CDH2: variants seen among roughly 807,000 people sequenced by gnomAD.
CDH2 encodes cadherin-2.
In CDH2, 17 loss-of-function variants were observed where a neutral mutation model predicts 92.0. That is an observed-to-expected ratio of 0.18 (90% CI 0.13 to 0.28). CDH2 has a LOEUF of 0.28. Ranked by LOEUF, CDH2 falls within the 10% of genes least tolerant of loss-of-function variation. CDH2 has a pLI of 1.00. For missense variants in CDH2, 862 were observed against 1,133.1 expected, an observed-to-expected ratio of 0.76 and a Z score of 3.44; for synonymous variants, 419 against 415.9, an observed-to-expected ratio of 1.01 and a Z score of -0.09.
intron 2 of CDH2, among the ~76,000 whole-genome samples, chr18:28,139,384 C>T (rs774176126): frequency 1.3e-5 from 2 of 152,006 alleles, no homozygotes; most frequent in African/African-American, 2.4e-5. Flanking sequence ...GACCCCACTT[C>T]TCTTACCAAC....
In CDH2 at chr18:28,177,071, G is replaced by GCGA; in HGVS notation, c.-50_-49insTCG. On this transcript the variant is annotated 5_prime_UTR_variant, in exon 1 of 16. Transcript: ENST00000269141. ...AGAGCCGGAGGAGGCGGCGGCGGCG[G>GCGA]CGGCGGCGGCGGAGGAGGAGGAGGC... 1 of 1,378,582 alleles carries GCGA rather than the reference G, an allele frequency of 7.3e-7. No homozygotes were observed. Among genetic ancestry groups the GCGA allele is most frequent in the African/African-American group, 1.5e-5 (1 of 66,886 alleles). The allele number at this position is 1,378,582 out of a possible 1,614,324, so 85.4% of individuals were successfully genotyped here.
chr18:28,129,325 TA>T (rs1194384613), intron 2 of CDH2, among the ~76,000 whole-genome samples: 4 of 152,226 alleles, frequency 2.6e-5, no homozygotes, highest in Admixed American at 6.5e-5. Flanking sequence ...ACCACCTGCA[TA>T]TAAAAACCTA....
chr18:28,127,051 C>G (rs1480037716), intron 2 of CDH2, among the ~76,000 whole-genome samples: 3 of 152,154 alleles, frequency 2.0e-5, no homozygotes, highest in Non-Finnish European at 4.4e-5. Context: ...CCTCAAGGCA[C>G]TGTGGACCCA....
chr18:28,096,308 A>G (rs2015133844), intron 2 of CDH2, among the ~76,000 whole-genome samples: 1 of 152,214 alleles, frequency 6.6e-6, no homozygotes, highest in Non-Finnish European at 1.5e-5. Context: ...TTCCAATAGT[A>G]AATAATATTA....
At chr18:28,093,484 C>T (rs1002250698) in intron 2 of CDH2, among the ~76,000 whole-genome samples, 3 of 151,838 alleles carry the variant, frequency 2.0e-5, no homozygotes, top group Non-Finnish European at 2.9e-5. Flanking sequence ...TTACACCATT[C>T]GACTCCCATA....
chr18:28,017,042 T>C (rs375697069), intron 2 of CDH2, among the ~76,000 whole-genome samples: 50 of 152,288 alleles, frequency 3.3e-4, no homozygotes, highest in African/African-American at 1.2e-3. Context: ...TTATTGATGA[T>C]TTTTGCATCT....
rs199876715 is a variant in CDH2, at chr18:27,951,945, T to C, written c.*208A>G. The C allele has an allele frequency of 7.0e-6, 4 of 575,488 alleles. No homozygotes were observed. Among genetic ancestry groups the C allele is most frequent in the Admixed American group, 3.0e-5 (1 of 33,284 alleles). 35.6% of individuals were successfully genotyped at this position (575,488 alleles called of 1,614,324 possible). ...ATCCCAGTGCTTCTGTACTGTAAAA[T>C]TCAAGTGTAACTGAGCTCAGTGTTT... On this transcript the variant is annotated 3_prime_UTR_variant, in exon 16 of 16. Coordinates refer to ENST00000269141, the MANE Select transcript of CDH2 (RefSeq NM_001792.5).
chr18:28,121,934 C>A (rs2015595052), intron 2 of CDH2, among the ~76,000 whole-genome samples: 1 of 152,036 alleles, frequency 6.6e-6, no homozygotes, highest in Non-Finnish European at 1.5e-5. Context: ...AGTTTGGGAA[C>A]TGCAATGATT....
At chr18:28,138,676 C>T in intron 2 of CDH2, among the ~76,000 whole-genome samples, 1 of 152,024 alleles carries the variant, frequency 6.6e-6, no homozygotes, top group East Asian at 1.9e-4. Context: ...TGTCTGTTGA[C>T]CACTATTGCG....
chr18:28,035,830 C>G (rs11564413), intron 2 of CDH2, among the ~76,000 whole-genome samples: 25,469 of 151,888 alleles, frequency 0.17, 2,428 homozygotes, highest in South Asian at 0.3. Flanking sequence ...GCACTGTGAG[C>G]GAGTTGAAAA....
At chr18:27,950,781 A>G (rs1909401996), downstream of CDH2, among the ~76,000 whole-genome samples, 1 of 152,198 alleles carries the variant, frequency 6.6e-6, no homozygotes, top group African/African-American at 2.4e-5. Context: ...TTTTTCTTCT[A>G]TGATGATGGG....
intron 2 of CDH2, among the ~76,000 whole-genome samples, chr18:28,051,439 G>C (rs987118626): frequency 6.6e-6 from 1 of 152,120 alleles, no homozygotes; most frequent in Non-Finnish European, 1.5e-5. Flanking sequence ...TACTAGACTT[G>C]CAACTAAAAA....
At chr18:28,058,131 T>G (rs1362318581) in intron 2 of CDH2, among the ~76,000 whole-genome samples, 1 of 152,244 alleles carries the variant, frequency 6.6e-6, no homozygotes, top group Non-Finnish European at 1.5e-5. Context: ...AACAGTGTTC[T>G]CTGGTTGGAT....
chr18:28,078,195 T>C (rs2014761801), intron 2 of CDH2, among the ~76,000 whole-genome samples: 1 of 152,116 alleles, frequency 6.6e-6, no homozygotes, highest in Admixed American at 6.6e-5. Flanking sequence ...CTTCTCAAGA[T>C]ACATTCTGTG....
rs202200963 is a variant in CDH2, at chr18:27,990,372, A to G, written c.1345-22T>C. The G allele has an allele frequency of 6.6e-5, 105 of 1,596,748 alleles. No homozygotes were observed. The South Asian group carries it at 1.2e-3, about 18-fold the overall frequency. On this transcript the variant is annotated intron_variant, in intron 9 of 15. Transcript: ENST00000269141. ...TTGGCTGGAAAATAAAAGGGAAGCC[A>G]TATTTTTGCAGGAAATAAGAATGCT...
At chr18:27,992,589 T>A in intron 9 of CDH2, 66 bp downstream of exon 9, 1 of 1,304,110 alleles carries the variant, frequency 7.7e-7, no homozygotes, top group Non-Finnish European at 1.1e-6. Context: ...AAACAATGAG[T>A]GGGGGACATA....
chr18:27,992,797 G>C lies in CDH2; in HGVS notation c.1202C>G (p.Ala401Gly). The change falls in exon 9 of 16, where the codon GCT (alanine) becomes GGT (glycine). Residue 401 changes from alanine to glycine, a missense_variant. Ala to Gly is a moderately conservative substitution (Grantham distance 60). Transcript: ENST00000269141. ...VPENRVDIIV[A>G]NLTVTDKDQP... ...ATCCTTATCGGTCACAGTTAGATTA[G>C]CTACTATGATGTCTACCCTGTTCTC... 1 of 1,613,888 alleles carries C rather than the reference G, an allele frequency of 6.2e-7. No individual in the cohort carries two copies. Among genetic ancestry groups the C allele is most frequent in the Non-Finnish European group, 8.5e-7 (1 of 1,179,828 alleles).
chr18:28,034,810 T>A (rs1015803776), intron 2 of CDH2, among the ~76,000 whole-genome samples: 5 of 152,072 alleles, frequency 3.3e-5, no homozygotes, highest in African/African-American at 1.2e-4. Flanking sequence ...GGTGTTACAA[T>A]GAGTATAAAT....
chr18:28,120,618 A>G (rs1421139116), intron 2 of CDH2, among the ~76,000 whole-genome samples: 1 of 152,114 alleles, frequency 6.6e-6, no homozygotes, highest in Non-Finnish European at 1.5e-5. Context: ...CAAACCTATA[A>G]TAAAGAAGAC....
Sources: gnomAD v4.1 joint callset for allele counts (sites outside exome capture counted in the v4.1 genomes callset) on GRCh38, gnomAD v4.1.1 for gene constraint, MANE v1.5 for transcripts, NCBI Gene and HGNC (gene_info 2026-07-23, HGNC 2026-07-21) for gene names.